DNAH17: variants seen among roughly 807,000 people sequenced by gnomAD.
DNAH17 encodes the protein dynein axonemal heavy chain 17.
A neutral mutation model predicts 485.6 loss-of-function variants in DNAH17; 376 were observed. The ratio of observed to expected loss-of-function variants is 0.77; its 90% confidence interval spans 0.71 to 0.84. The LOEUF is 0.84. Ranked by LOEUF, DNAH17 falls within the 40% of genes least tolerant of loss-of-function variation. The pLI, the probability that DNAH17 is intolerant of heterozygous loss-of-function variation, is 0.00. For synonymous variants in DNAH17, 3,031 were observed against 2,405.9 expected, an observed-to-expected ratio of 1.26 and a Z score of -7.60; for missense variants, 6,370 against 5,839.3, an observed-to-expected ratio of 1.09 and a Z score of -2.96.
At chr17:78,456,382 C>G (rs981077158) in intron 62 of DNAH17, among the ~76,000 whole-genome samples, 1 of 152,070 alleles carries the variant, frequency 6.6e-6, no homozygotes, top group Non-Finnish European at 1.5e-5. Context: ...CTTCCCAAGT[C>G]ACCCGCATTG....
intron 44 of DNAH17, among the ~76,000 whole-genome samples, chr17:78,490,336 T>C (rs1200404229): frequency 6.6e-6 from 1 of 152,184 alleles, no homozygotes; most frequent in Non-Finnish European, 1.5e-5. Flanking sequence ...TTGTCTGGTG[T>C]GCTTCTCTGT....
intron 27 of DNAH17, 90 bp downstream of exon 27, chr17:78,510,294 G>T: frequency 2.6e-6 from 4 of 1,562,786 alleles, no homozygotes; most frequent in Non-Finnish European, 3.5e-6. Flanking sequence ...CCTTGGGGCT[G>T]CAGGACCCCT....
At chr17:78,474,987 G>T (rs7405756) in intron 54 of DNAH17, among the ~76,000 whole-genome samples, 59 of 116,456 alleles carry the variant, frequency 5.1e-4, no homozygotes, top group South Asian at 1.9e-3. Context: ...GGTTTCACAC[G>T]CTTCACCTCA....
rs532189820 is a variant in DNAH17 at position 78,560,014 on chromosome 17, C to T, written c.2031+726G>A. ...CTACCGGCTCTATTGATCTTCTTAA[C>T]CTGCCCTTCCTGCTCTTCCTTCCGC... On this transcript the variant is annotated intron_variant, in intron 13 of 80. Coordinates refer to ENST00000389840, the MANE Select transcript of DNAH17 (RefSeq NM_173628.4). 2.0e-5 allele frequency among the ~76,000 whole-genome samples: 3 copies of T among 152,282 alleles called. No homozygotes were observed. The South Asian group carries it at 6.2e-4, about 32-fold the overall frequency.
At position 78,510,413 on chromosome 17, in the gene DNAH17, T is replaced by A; in HGVS notation, c.4207A>T (p.Lys1403Ter). The A allele has an allele frequency of 6.2e-7, 1 of 1,613,502 alleles. No individual in the cohort carries two copies. The highest frequency in any genetic ancestry group is 2.2e-5 in the East Asian group (1 of 44,876). Residue 1403 changes from lysine (K) to a stop codon, truncating the protein, a stop_gained, in exon 27 of 81, where the codon AAG (lysine) becomes TAG (stop). Transcript: ENST00000389840. LOFTEE classifies it high-confidence loss of function. ...TCCATGCCCGACTCCTTCACGGCCT[T>A]GTCCACGATGTTGCGGACCTCATCC... ...YEDEVRNIVD[K>*]AVKESGMEKV...
At chr17:78,525,242 T>C in intron 24 of DNAH17, 81 bp from the exon 25 acceptor site, 1 of 1,536,428 alleles carries the variant, frequency 6.5e-7, no homozygotes, top group Non-Finnish European at 8.8e-7. Context: ...TCTGCCCGTC[T>C]CTCCAGTGTG....
intron 14 of DNAH17, among the ~76,000 whole-genome samples, chr17:78,555,543 C>CCAAAAAA (rs1555693737): frequency 1.8e-4 from 14 of 77,694 alleles, no homozygotes; most frequent in African/African-American, 7.9e-4. Context: ...GATTCCGTCA[C>CCAAAAAA]AAAAAAAAAA....
At chr17:78,517,129 A>G (rs573315736) in intron 25 of DNAH17, among the ~76,000 whole-genome samples, 241 of 152,152 alleles carry the variant, frequency 1.6e-3, no homozygotes, top group Non-Finnish European at 2.7e-3. Flanking sequence ...TGCAACCTCC[A>G]CCTCCTGGGT....
chr17:78,455,714 C>T lies in DNAH17; in HGVS notation c.10100G>A (p.Gly3367Asp). ...LLISAFVSYV[G>D]YFTKKYRNEL... ...ATTCCGGTATTTCTTGGTGAAGTAG[C>T]CCACGTAGGACACGAAGGCAGAGAT... The change falls in exon 63 of 81, where the codon GGC (glycine) becomes GAC (aspartate). Residue 3367 changes from glycine (G) to aspartate (D), a missense_variant. By Grantham distance (94) the Gly-to-Asp change is moderately conservative. Transcript: ENST00000389840. 6.2e-7 allele frequency: 1 copy of T among 1,604,156 alleles called. No homozygotes were observed. The highest frequency in any genetic ancestry group is 8.5e-7 in the Non-Finnish European group (1 of 1,175,834).
intron 63 of DNAH17, 138 bp downstream of exon 63, chr17:78,455,506 T>C (rs2087754017): frequency 1.6e-6 from 1 of 619,256 alleles, no homozygotes; most frequent in East Asian, 3.4e-5. Context: ...TTTTTAAATT[T>C]AATAGAGATG....
At chr17:78,548,838 A>G (rs969623071) in intron 16 of DNAH17, among the ~76,000 whole-genome samples, 5 of 152,208 alleles carry the variant, frequency 3.3e-5, no homozygotes, top group Admixed American at 6.5e-5. Flanking sequence ...TTGAGACGGC[A>G]TCTGAGGGCA....
intron 75 of DNAH17, among the ~76,000 whole-genome samples, chr17:78,430,331 C>A (rs954173837): frequency 1.3e-5 from 2 of 152,098 alleles, no homozygotes; most frequent in Non-Finnish European, 2.9e-5. Flanking sequence ...ATAATTGATT[C>A]TTTTTTGGTA....
intron 16 of DNAH17, among the ~76,000 whole-genome samples, chr17:78,548,901 A>C (rs890557412): frequency 6.6e-6 from 1 of 152,378 alleles, no homozygotes; most frequent in East Asian, 1.9e-4. Flanking sequence ...CTAAGTGCAG[A>C]GCATGCTGGT....
chr17:78,532,786 A>G lies in DNAH17; in HGVS notation c.2860-50T>C, dbSNP rs781157352. The G allele has an allele frequency of 5.9e-6, 9 of 1,519,102 alleles. No individual in the cohort carries two copies. The African/African-American group carries it at 1.1e-4, about 19-fold the overall frequency. The allele number at this position is 1,519,102 out of a possible 1,614,324, so 94.1% of individuals were successfully genotyped here. On this transcript the variant is annotated intron_variant, in intron 19 of 80. Transcript: ENST00000389840. ...AAAGGGGAGGTATGTTGCCTGGTTC[A>G]TAATTTAGGTGTTGTCCTCTCGGCC...
In DNAH17 at chr17:78,423,943, C is replaced by T. The variant is rs2086236509; in HGVS notation, c.13352G>A (p.Trp4451Ter). The change falls in exon 81 of 81, where the codon TGG (tryptophan) becomes TAG (stop). Residue 4451 changes from tryptophan (W) to a stop codon, truncating the protein, a stop_gained. Transcript: ENST00000389840. LOFTEE classifies it high-confidence loss of function. ...NLKTKEKAAKWILAAVALLLQ... is the reference protein window; with the variant it reads ...NLKTKEKAAK ...GAGCAGCGCCACGGCTGCCAGGATCCACTTCGCTGCCTTCTCTTTGGTCTT... is the reference window on the plus strand; with the variant it reads ...GAGCAGCGCCACGGCTGCCAGGATCTACTTCGCTGCCTTCTCTTTGGTCTT... 1 of 1,613,860 alleles carries T rather than the reference C, an allele frequency of 6.2e-7. No individual in the cohort carries two copies. Among genetic ancestry groups the T allele is most frequent in the African/African-American group, 1.3e-5 (1 of 74,928 alleles).
rs774170929 is a variant in DNAH17, at chr17:78,561,944, G to C, written c.1606C>G (p.Leu536Val). 3 of 1,612,352 alleles carry C rather than the reference G, an allele frequency of 1.9e-6. No individual in the cohort carries two copies. The highest frequency in any genetic ancestry group is 3.3e-5 in the Admixed American group (2 of 59,874). The part of the protein sequence containing the change: ...YMCGGLMERP[L>V]ILAEVAPRYS... The stretch of plus-strand genomic sequence containing the variant: ...CTGGGCGCCACCTCGGCAAGAATCA[G>C]GGGCCGCTCCATGAGGCCCCCACAC... Residue 536 changes from leucine to valine, a missense_variant, in exon 12 of 81, where the codon CTG becomes GTG. Coordinates refer to ENST00000389840, the MANE Select transcript of DNAH17 (RefSeq NM_173628.4).
chr17:78,477,912 A>ACATCACCAT (rs1375543037), intron 51 of DNAH17, among the ~76,000 whole-genome samples: 8 of 147,986 alleles, frequency 5.4e-5, no homozygotes, highest in Admixed American at 1.3e-4. Context: ...CATCATTACC[A>ACATCACCAT]CATCACCATC....
chr17:78,571,879 C>T, intron 3 of DNAH17, 97 bp from the exon 4 acceptor site: 1 of 1,205,430 alleles, frequency 8.3e-7, no homozygotes, highest in South Asian at 1.5e-5. Flanking sequence ...AATCCCAAAC[C>T]ACCAGCAGCA....
chr17:78,490,896 C>G (rs1366377580), intron 43 of DNAH17, 49 bp from the exon 44 acceptor site: 2 of 1,529,268 alleles, frequency 1.3e-6, no homozygotes, highest in South Asian at 2.5e-5. Flanking sequence ...CACCTGCCAT[C>G]CCAATGGTGT....
Sources: gnomAD v4.1 joint callset for allele counts (sites outside exome capture counted in the v4.1 genomes callset) on GRCh38, gnomAD v4.1.1 for gene constraint, MANE v1.5 for transcripts, NCBI Gene and HGNC (gene_info 2026-07-23, HGNC 2026-07-21) for gene names.